The following HDAC4 variants were observed in gnomAD, a reference collection of about 807,000 sequenced individuals.
HDAC4 encodes histone deacetylase A.
In HDAC4, 16 loss-of-function variants were observed where a neutral mutation model predicts 135.1. That is an observed-to-expected ratio of 0.12 (90% CI 0.08 to 0.18). The LOEUF (loss-of-function observed/expected upper bound fraction) is 0.18. Ranked by LOEUF, HDAC4 falls within the 10% of genes least tolerant of loss-of-function variation. The pLI, the probability that HDAC4 is intolerant of heterozygous loss-of-function variation, is 1.00. For synonymous variants in HDAC4, 685 were observed against 653.4 expected, an observed-to-expected ratio of 1.05 and a Z score of -0.74; for missense variants, 1,143 against 1,511.8, an observed-to-expected ratio of 0.76 and a Z score of 4.05.
At chr2:239,360,302 G>A (rs1693776132) in intron 1 of HDAC4, among the ~76,000 whole-genome samples, 2 of 152,214 alleles carry the variant, frequency 1.3e-5, no homozygotes, top group South Asian at 4.1e-4. Flanking sequence ...GCAGACAGAC[G>A]CCACAGACAG....
intron 8 of HDAC4, 25 bp downstream of exon 8, chr2:239,144,558 G>A (rs202180610): frequency 2.6e-5 from 42 of 1,612,628 alleles, no homozygotes; most frequent in African/African-American, 6.7e-5. Flanking sequence ...GCAGCGGGGC[G>A]GGTGTACCTG....
intron 7 of HDAC4, among the ~76,000 whole-genome samples, chr2:239,149,433 AATCT>A (rs1028013324): frequency 7.2e-5 from 11 of 152,140 alleles, no homozygotes; most frequent in Non-Finnish European, 1.6e-4. Flanking sequence ...GACAGACTGG[AATCT>A]AACTTCTGTA....
rs966618075 is a variant in HDAC4, at chr2:239,325,915, G to A, written c.22+26763C>T. On this transcript the variant is annotated intron_variant, in intron 2 of 26. Transcript: ENST00000543185. ...CGGGGGACAGAGGCTGCAGGAAGCC[G>A]AGATTGTACCACTGTACTCCAGGCT... Among the ~76,000 whole-genome samples the A allele has an allele frequency of 5.9e-5, 9 of 152,132 alleles. No homozygotes were observed. In the South Asian group the frequency reaches 1.3e-3, roughly 21 times the overall value.
chr2:239,063,255 T>C (rs548185453), intron 24 of HDAC4, among the ~76,000 whole-genome samples: 5 of 151,908 alleles, frequency 3.3e-5, no homozygotes, highest in South Asian at 2.1e-4. Flanking sequence ...GGCTGGAGTG[T>C]GGTGGCGCGA....
At chr2:239,161,571 C>T (rs1177157031) in intron 6 of HDAC4, among the ~76,000 whole-genome samples, 1 of 152,150 alleles carries the variant, frequency 6.6e-6, no homozygotes, top group African/African-American at 2.4e-5. Flanking sequence ...GGTTCAAATA[C>T]GGCAAAACAA....
At chr2:239,387,016 C>T (rs1181408051) in intron 1 of HDAC4, among the ~76,000 whole-genome samples, 2 of 152,238 alleles carry the variant, frequency 1.3e-5, no homozygotes, top group South Asian at 2.1e-4. Flanking sequence ...TGCGTGAGCA[C>T]GTGTGTGCAG....
chr2:239,163,228 C>T (rs2042922103), intron 6 of HDAC4, among the ~76,000 whole-genome samples: 1 of 152,218 alleles, frequency 6.6e-6, no homozygotes, highest in South Asian at 2.1e-4. Flanking sequence ...CGGGGGCTTC[C>T]TGACTAGCCT....
intron 1 of HDAC4, among the ~76,000 whole-genome samples, chr2:239,393,272 A>C (rs981513918): frequency 5.9e-5 from 9 of 152,228 alleles, no homozygotes; most frequent in South Asian, 2.1e-4. Context: ...GATGCATCTG[A>C]ATGGGCCTGC....
intron 2 of HDAC4, among the ~76,000 whole-genome samples, chr2:239,253,852 C>T (rs897806639): frequency 3.9e-5 from 6 of 152,210 alleles, no homozygotes; most frequent in Middle Eastern, 3.4e-3. Context: ...AGCCAGTGGG[C>T]GGCTGCATAT....
rs1463704603 is a variant in HDAC4 at position 239,141,078 on chromosome 2, C to G, written c.866-1282G>C. 2 of 280,052 alleles carry G rather than the reference C, an allele frequency of 7.1e-6. No homozygotes were observed. The highest frequency in any genetic ancestry group is 4.6e-5 in the African/African-American group (2 of 43,332). 17.3% of individuals were successfully genotyped at this position (280,052 alleles called of 1,614,324 possible). ...AAGGTGCCATTATGACCCCGTTTCCCAGAAGAGGAGATGGAGGCATGGAGC... is the reference window on the plus strand; with the variant it reads ...AAGGTGCCATTATGACCCCGTTTCCGAGAAGAGGAGATGGAGGCATGGAGC... On this transcript the variant is annotated intron_variant, in intron 8 of 26. Transcript: ENST00000543185. This position sits in a 1 kb window ranked among gnomAD's most constrained non-coding sequence, Gnocchi z 4.9.
At chr2:239,318,770 C>A (rs1177360181) in intron 2 of HDAC4, among the ~76,000 whole-genome samples, 1 of 151,050 alleles carries the variant, frequency 6.6e-6, no homozygotes, top group Non-Finnish European at 1.5e-5. Context: ...GAAATTACAG[C>A]AAAATTAAAA....
intron 1 of HDAC4, among the ~76,000 whole-genome samples, chr2:239,384,381 A>G (rs936407507): frequency 6.1e-5 from 9 of 147,768 alleles, no homozygotes; most frequent in Admixed American, 3.5e-4. Context: ...TAGGTGGCCT[A>G]GGTGGGAGGA....
intron 5 of HDAC4, among the ~76,000 whole-genome samples, chr2:239,173,494 G>A (rs1279556904): frequency 2.6e-5 from 4 of 152,084 alleles, no homozygotes; most frequent in Non-Finnish European, 5.9e-5. Context: ...GGAATGGAAG[G>A]GAAACTTCCA....
At chr2:239,321,649 GACAACCA>G (rs2053317063) in intron 2 of HDAC4, among the ~76,000 whole-genome samples, 1 of 152,022 alleles carries the variant, frequency 6.6e-6, no homozygotes, top group Non-Finnish European at 1.5e-5. Flanking sequence ...TCCTTTTAGT[GACAACCA>G]ACTCATGCTG....
intron 2 of HDAC4, among the ~76,000 whole-genome samples, chr2:239,243,482 T>G (rs932013988): frequency 2.0e-5 from 3 of 152,022 alleles, no homozygotes; most frequent in Non-Finnish European, 2.9e-5. Context: ...GTGTGTTTGG[T>G]GGGGGGTTGC....
At chr2:239,137,347 C>T (rs575660647) in intron 9 of HDAC4, among the ~76,000 whole-genome samples, 5 of 152,216 alleles carry the variant, frequency 3.3e-5, no homozygotes, top group Admixed American at 6.5e-5. Flanking sequence ...ACAGCAGCAG[C>T]GGCCACAGAG....
intron 2 of HDAC4, among the ~76,000 whole-genome samples, chr2:239,329,503 C>CACTGGGACACCCCTCCTCCT: frequency 6.6e-6 from 1 of 151,548 alleles, no homozygotes; most frequent in East Asian, 2.0e-4. Flanking sequence ...CCCCTCCTCC[C>CACTGGGACACCCCTCCTCCT]ACCGGGACAC....
chr2:239,397,481 A>G (rs138725378), intron 1 of HDAC4, among the ~76,000 whole-genome samples: 43 of 152,284 alleles, frequency 2.8e-4, no homozygotes, highest in African/African-American at 1.0e-3. Context: ...GGTGGGGGCA[A>G]TCTATGCAGG....
chr2:239,243,324 T>C (rs940774422), intron 2 of HDAC4, among the ~76,000 whole-genome samples: 1 of 152,076 alleles, frequency 6.6e-6, no homozygotes, highest in Non-Finnish European at 1.5e-5. Flanking sequence ...AGCTAGTATT[T>C]TGTATTTTTA....
Sources: gnomAD v4.1 joint callset for allele counts (sites outside exome capture counted in the v4.1 genomes callset) on GRCh38, gnomAD v4.1.1 for gene constraint, Gnocchi (gnomAD v3.1) non-coding constraint, MANE v1.5 for transcripts, NCBI Gene and HGNC (gene_info 2026-07-23, HGNC 2026-07-21) for gene names.